Variants in UBR3 observed in about 807,000 individuals in gnomAD.
The protein encoded by UBR3 is E3 ubiquitin-protein ligase UBR3.
In UBR3, 85 loss-of-function variants were observed where a neutral mutation model predicts 243.2. The ratio of observed to expected loss-of-function variants is 0.35; its 90% CI spans 0.29 to 0.42. The LOEUF is 0.42. Among genes scored for constraint, UBR3 ranks in the 10% least tolerant of loss-of-function variants. UBR3 has a pLI of 1.00. For missense variants in UBR3, 1,686 were observed against 2,300.8 expected (o/e 0.73, Z 5.47); for synonymous variants, 748 against 799.8 (o/e 0.94, Z 1.09).
Position 169,942,572 on chromosome 2 carries a change from G to A in UBR3, c.2743G>A (p.Gly915Ser). The A allele has an allele frequency of 1.3e-6, 2 of 1,550,256 alleles. No homozygotes were observed. Among genetic ancestry groups the A allele is most frequent in the Non-Finnish European group, 1.7e-6 (2 of 1,146,522 alleles). ...KRTSLHPSYKGLMRLLHCKTL... is the reference protein window; with the variant it reads ...KRTSLHPSYKSLMRLLHCKTL... ...GACATCACTCCATCCTAGCTATAAAGGTCTTATGAGACTTTTGCACTGTAA... is the reference window on the plus strand; with the variant it reads ...GACATCACTCCATCCTAGCTATAAAAGTCTTATGAGACTTTTGCACTGTAA... Residue 915 changes from glycine to serine, a missense_variant, in exon 20 of 39, where the codon GGT becomes AGT. Gly to Ser is a moderately conservative substitution (Grantham distance 56, BLOSUM62 0). Around this residue, in one of 8 missense-constraint regions of UBR3, gnomAD observed 300 missense variants for 314.4 expected, o/e 0.95. Coordinates refer to ENST00000272793, the MANE Select transcript of UBR3 (RefSeq NM_172070.4).
intron 8 of UBR3, among the ~76,000 whole-genome samples, chr2:169,904,035 T>C (rs1320518462): frequency 6.6e-6 from 1 of 152,166 alleles, no homozygotes; most frequent in Non-Finnish European, 1.5e-5. Flanking sequence ...GTGGATCCAA[T>C]TTTAATCTCT....
intron 23 of UBR3, among the ~76,000 whole-genome samples, chr2:169,955,707 T>A (rs2087249645): frequency 6.8e-6 from 1 of 147,472 alleles, no homozygotes; most frequent in African/African-American, 2.5e-5. Context: ...AGCATGAGAA[T>A]TGCTTGAACC....
At chr2:169,850,705 G>A (rs1280199381) in intron 1 of UBR3, among the ~76,000 whole-genome samples, 7 of 152,054 alleles carry the variant, frequency 4.6e-5, no homozygotes, top group African/African-American at 7.2e-5. Context: ...TTAGCCGGGC[G>A]TGGTGGTGGG....
intron 19 of UBR3, among the ~76,000 whole-genome samples, chr2:169,936,010 T>C (rs951702397): frequency 1.3e-5 from 2 of 152,208 alleles, no homozygotes; most frequent in Non-Finnish European, 2.9e-5. Context: ...AAATTACATT[T>C]ATATGTTGTC....
At position 169,934,525 on chromosome 2, in the gene UBR3, C is replaced by T. The variant is rs1422196318; in HGVS notation, c.2663+1517C>T. 6.6e-5 allele frequency among the ~76,000 whole-genome samples: 10 copies of T among 152,248 alleles called. 1 individual carries two copies. Among genetic ancestry groups the T allele is most frequent in the South Asian group, 6.2e-4 (3 of 4,830 alleles). On this transcript the variant is annotated intron_variant, in intron 19 of 38. Coordinates refer to ENST00000272793, the MANE Select transcript of UBR3 (RefSeq NM_172070.4). Reference sequence around the variant, plus strand: ...TGTTGGGATTACACACATGAGCCACCGTGCCTGGCCGATTTGTTTGCTATT... The same window carrying T: ...TGTTGGGATTACACACATGAGCCACTGTGCCTGGCCGATTTGTTTGCTATT...
chr2:169,927,075 T>C (rs1469976652), intron 16 of UBR3, 104 bp downstream of exon 16: 2 of 1,333,478 alleles, frequency 1.5e-6, no homozygotes, highest in South Asian at 1.4e-5. Flanking sequence ...AGGATGTAGA[T>C]AAATGTAAAC....
intron 33 of UBR3, among the ~76,000 whole-genome samples, chr2:170,060,829 T>C (rs1265719238): frequency 6.6e-6 from 1 of 152,114 alleles, no homozygotes; most frequent in African/African-American, 2.4e-5. Context: ...GATTTACATA[T>C]GTTTATTTAC....
At chr2:170,081,332 C>T (rs142736637) in intron 38 of UBR3, among the ~76,000 whole-genome samples, 8,004 of 152,032 alleles carry the variant, frequency 0.053, 389 homozygotes, top group African/African-American at 0.13. Flanking sequence ...AACCCCGTCT[C>T]TACTAAAAAT....
chr2:169,875,820 A>G lies in UBR3; in HGVS notation c.715A>G (p.Asn239Asp), dbSNP rs1324150064. 1 of 1,545,096 alleles carries G rather than the reference A, an allele frequency of 6.5e-7. No homozygotes were observed. Residue 239 changes from asparagine to aspartate, a missense_variant, in exon 3 of 39, where the codon AAC becomes GAC. Around this residue, in one of 8 missense-constraint regions of UBR3, gnomAD observed 200 missense variants for 231.6 expected, o/e 0.86. Coordinates refer to ENST00000272793, the MANE Select transcript of UBR3 (RefSeq NM_172070.4). Reference protein sequence around the residue: ...AADGPSEKDLNKVLQLLEPQI... With the variant: ...AADGPSEKDLDKVLQLLEPQI... ...TGATGGACCATCAGAAAAGGACCTT[A>G]ACAAAGTCCTTCAGCTTTTGGAACC...
At chr2:169,997,468 C>T (rs1033550279) in intron 26 of UBR3, among the ~76,000 whole-genome samples, 2 of 152,038 alleles carry the variant, frequency 1.3e-5, no homozygotes, top group Non-Finnish European at 2.9e-5. Flanking sequence ...ACAGCTTCTG[C>T]TTGGGGAGTG....
intron 24 of UBR3, among the ~76,000 whole-genome samples, chr2:169,975,497 GTTTC>G (rs1424961902): frequency 2.0e-5 from 3 of 152,180 alleles, no homozygotes; most frequent in African/African-American, 4.8e-5. Context: ...TAAATTCAGT[GTTTC>G]TTTGTTGATT....
At chr2:169,879,210 A>G (rs1286505191) in intron 5 of UBR3, among the ~76,000 whole-genome samples, 8 of 151,856 alleles carry the variant, frequency 5.3e-5, no homozygotes, top group African/African-American at 1.9e-4. Context: ...CTTAAATTTT[A>G]TATTTCTAAT....
chr2:169,846,571 G>T (rs1269399532), intron 1 of UBR3, among the ~76,000 whole-genome samples: 1 of 152,078 alleles, frequency 6.6e-6, no homozygotes, highest in Non-Finnish European at 1.5e-5. Flanking sequence ...TTAGCCGGAC[G>T]TGGTGGCATG....
At chr2:169,914,758 C>T (rs1327578332) in intron 11 of UBR3, among the ~76,000 whole-genome samples, 2 of 152,136 alleles carry the variant, frequency 1.3e-5, no homozygotes, top group Non-Finnish European at 2.9e-5. Context: ...AGACAGCTCA[C>T]CCCCACTTTA....
intron 11 of UBR3, among the ~76,000 whole-genome samples, chr2:169,916,351 T>C (rs1172854428): frequency 6.6e-6 from 1 of 152,172 alleles, no homozygotes; most frequent in African/African-American, 2.4e-5. Flanking sequence ...CAATCTCATA[T>C]ATAAATATGA....
At chr2:170,052,532 A>G (rs2091241798) in intron 32 of UBR3, among the ~76,000 whole-genome samples, 3 of 152,236 alleles carry the variant, frequency 2.0e-5, no homozygotes, top group Non-Finnish European at 2.9e-5. Context: ...AAAGAAGGAA[A>G]TCTTGCCATT....
chr2:170,042,202 G>A (rs1033250423), intron 32 of UBR3, among the ~76,000 whole-genome samples: 2 of 152,030 alleles, frequency 1.3e-5, no homozygotes, highest in African/African-American at 4.8e-5. Context: ...TGGATATTTT[G>A]TATTAATGAT....
At chr2:170,077,569 G>T in intron 36 of UBR3, 1 of 607,142 alleles carries the variant, frequency 1.6e-6, no homozygotes, top group Admixed American at 3.0e-5. Flanking sequence ...CCTCCTCTAT[G>T]CCTGCGTCTT....
At chr2:169,967,023 C>A (rs1434496140) in intron 24 of UBR3, among the ~76,000 whole-genome samples, 1 of 152,080 alleles carries the variant, frequency 6.6e-6, no homozygotes, top group Non-Finnish European at 1.5e-5. Flanking sequence ...GTGTACTCAG[C>A]ACTGTGATAA....
Sources: gnomAD v4.1 joint callset for allele counts (sites outside exome capture counted in the v4.1 genomes callset) on GRCh38, gnomAD v4.1.1 for gene constraint, gnomAD v4.1.1 regional missense constraint, MANE v1.5 for transcripts, NCBI Gene and HGNC (gene_info 2026-07-23, HGNC 2026-07-21) for gene names.